TCF12: variants seen among roughly 807,000 people sequenced by gnomAD.
TCF12 encodes DNA-binding protein HTF4.
Under a neutral mutation model 86.0 loss-of-function variants are expected in TCF12, and 45 were observed. The ratio of observed to expected loss-of-function variants is 0.52; its 90% confidence interval spans 0.41 to 0.67. The LOEUF is 0.67. Among genes scored for constraint, TCF12 ranks in the 30% least tolerant of loss-of-function variants. The probability of loss-of-function intolerance (pLI) is 0.00; values close to 1 mark genes in which losing one functional copy is unlikely to be tolerated. For synonymous variants in TCF12, 330 were observed against 299.6 expected, an observed-to-expected ratio of 1.10 and a Z score of -1.05; for missense variants, 881 against 859.9, an observed-to-expected ratio of 1.02 and a Z score of -0.31.
At chr15:57,031,842 A>G (rs2066210941) in intron 3 of TCF12, among the ~76,000 whole-genome samples, 1 of 151,898 alleles carries the variant, frequency 6.6e-6, no homozygotes, top group African/African-American at 2.4e-5. Context: ...CTTTTCCCCT[A>G]TTTTCTTACA....
chr15:57,223,412 G>GT (rs1245452310), intron 8 of TCF12, among the ~76,000 whole-genome samples: 4 of 151,928 alleles, frequency 2.6e-5, no homozygotes, highest in Non-Finnish European at 4.4e-5. Flanking sequence ...GAAAGAAAAC[G>GT]TAACTGGGAA....
chr15:56,987,075 A>G (rs1282136048), intron 3 of TCF12, among the ~76,000 whole-genome samples: 1 of 152,084 alleles, frequency 6.6e-6, no homozygotes, highest in African/African-American at 2.4e-5. Flanking sequence ...TGCAACATGC[A>G]GTAATGCAAT....
chr15:57,273,468 A>AGAGAGTAAT (rs1304514896), intron 19 of TCF12, among the ~76,000 whole-genome samples: 1 of 151,974 alleles, frequency 6.6e-6, no homozygotes, highest in African/African-American at 2.4e-5. Context: ...CTCCACCAAT[A>AGAGAGTAAT]GAGAGTAATT....
At chr15:57,049,288 C>T (rs1248147534) in intron 3 of TCF12, among the ~76,000 whole-genome samples, 2 of 152,148 alleles carry the variant, frequency 1.3e-5, no homozygotes, top group Non-Finnish European at 2.9e-5. Context: ...GAGCATTTTT[C>T]AGTGGATTTA....
At position 57,231,192 on chromosome 15, in the gene TCF12, A is replaced by G. The variant is rs2059122990; in HGVS notation, c.620A>G (p.Glu207Gly). 4.3e-6 allele frequency: 7 copies of G among 1,613,108 alleles called. No homozygotes were observed. Among genetic ancestry groups the G allele is most frequent in the Non-Finnish European group, 5.1e-6 (6 of 1,179,382 alleles). ...PSPNSDDFNR[E>G]SPSYPSPKPP... ...CCAAATTCAGATGATTTCAACCGTG[A>G]ATCTCCTAGTTATCCATCTCCTAAG... The change falls in exon 9 of 21, where the codon GAA becomes GGA. Residue 207 changes from glutamate to glycine, a missense_variant. By Grantham distance (98) the Glu-to-Gly change is moderately conservative (BLOSUM62 -2). Around this residue, in one of 3 missense-constraint regions of TCF12, gnomAD observed 766 missense variants for 718.9 expected, o/e 1.07. Transcript: ENST00000333725.
chr15:57,237,258 T>G (rs1597525229), intron 12 of TCF12, among the ~76,000 whole-genome samples: 1 of 152,148 alleles, frequency 6.6e-6, no homozygotes, highest in African/African-American at 2.4e-5. Context: ...TGTTTAAAAG[T>G]AATTCATGAA....
At chr15:57,219,512 C>G in intron 8 of TCF12, 1 of 1,609,956 alleles carries the variant, frequency 6.2e-7, no homozygotes, top group Non-Finnish European at 8.5e-7. Context: ...GTAACATTTT[C>G]AAAATCAACA....
chr15:57,259,101 AGAC>A (rs2060473326), intron 16 of TCF12, among the ~76,000 whole-genome samples: 1 of 152,152 alleles, frequency 6.6e-6, no homozygotes, highest in South Asian at 2.1e-4. Flanking sequence ...ATTTTTATTA[AGAC>A]GACATTATAG....
intron 16 of TCF12, among the ~76,000 whole-genome samples, chr15:57,260,443 A>T (rs896264960): frequency 6.6e-6 from 1 of 152,206 alleles, no homozygotes; most frequent in African/African-American, 2.4e-5. Context: ...TATAACATAC[A>T]CTAAGTATAC....
rs182548737 is a variant in TCF12, at chr15:57,033,164, A to G, written c.149-30586A>G. Among the ~76,000 whole-genome samples, 222 of 152,322 alleles carry G rather than the reference A, an allele frequency of 1.5e-3. 2 individuals carry two copies. Among genetic ancestry groups the G allele is most frequent in the Admixed American group, 6.3e-3 (97 of 15,302 alleles). On this transcript the variant is annotated intron_variant, in intron 3 of 20. Coordinates refer to ENST00000333725, the MANE Select transcript of TCF12 (RefSeq NM_207037.2). ...AAAATGAAAAAAACTTTAGAGCTTCAGAGAACTGTGGACTGGTAACATTAG... is the reference window on the plus strand; with the variant it reads ...AAAATGAAAAAAACTTTAGAGCTTCGGAGAACTGTGGACTGGTAACATTAG...
At chr15:57,227,286 T>C (rs1306947636) in intron 8 of TCF12, among the ~76,000 whole-genome samples, 5 of 152,164 alleles carry the variant, frequency 3.3e-5, no homozygotes, top group African/African-American at 1.2e-4. Flanking sequence ...CAAGAATGTT[T>C]CCAGTGTTAA....
chr15:57,067,367 C>G (rs1010786742), intron 4 of TCF12, among the ~76,000 whole-genome samples: 1 of 151,230 alleles, frequency 6.6e-6, no homozygotes, highest in African/African-American at 2.4e-5. Flanking sequence ...GGTGAAACCC[C>G]GTCTCTACTA....
At chr15:57,242,998 C>T (rs757289479) in intron 12 of TCF12, among the ~76,000 whole-genome samples, 2 of 152,088 alleles carry the variant, frequency 1.3e-5, no homozygotes, top group African/African-American at 2.4e-5. Flanking sequence ...AACTGAGTAA[C>T]TTTTTAAATG....
chr15:57,025,195 T>C (rs2065748984), intron 3 of TCF12, among the ~76,000 whole-genome samples: 1 of 152,156 alleles, frequency 6.6e-6, no homozygotes, highest in Admixed American at 6.5e-5. Context: ...TTCTTTTGCC[T>C]CAGCCTCCCT....
chr15:57,088,143 T>C (rs1356987233), intron 4 of TCF12, among the ~76,000 whole-genome samples: 1 of 152,202 alleles, frequency 6.6e-6, no homozygotes, highest in Non-Finnish European at 1.5e-5. Flanking sequence ...ACTTAACCAT[T>C]GTTTGCTTGG....
intron 5 of TCF12, among the ~76,000 whole-genome samples, chr15:57,111,616 G>A (rs1398328054): frequency 6.9e-6 from 1 of 144,392 alleles, no homozygotes; most frequent in Non-Finnish European, 1.5e-5. Context: ...TTTTAAGATA[G>A]GGTCTCACTC....
rs1004059502 is a variant in TCF12, at chr15:56,928,810, G to A, written c.148+7712G>A. On this transcript the variant is annotated intron_variant, in intron 3 of 20. Coordinates refer to ENST00000333725, the MANE Select transcript of TCF12 (RefSeq NM_207037.2). The stretch of plus-strand genomic sequence containing the variant: ...CTACTTGAAATTCTTTCTGGAGTGA[G>A]GCATAGTCTAAATAATTAAGTAAAA... Among the ~76,000 whole-genome samples, 4 of 152,110 alleles carry A rather than the reference G, an allele frequency of 2.6e-5. No individual in the cohort carries two copies. The East Asian group carries it at 7.7e-4, about 29-fold the overall frequency.
chr15:57,066,713 C>T (rs910289942), intron 4 of TCF12, among the ~76,000 whole-genome samples: 1 of 152,148 alleles, frequency 6.6e-6, no homozygotes, highest in Non-Finnish European at 1.5e-5. Context: ...AGCTGCCTGC[C>T]ATTCTATCCC....
intron 3 of TCF12, among the ~76,000 whole-genome samples, chr15:56,952,582 A>T (rs551097607): frequency 6.6e-6 from 1 of 151,978 alleles, no homozygotes; most frequent in Admixed American, 6.6e-5. Context: ...TGTAGTTTTC[A>T]CTGTATAGGT....
Sources: allele counts gnomAD v4.1 joint callset (sites outside exome capture counted in the v4.1 genomes callset), GRCh38; gene constraint gnomAD v4.1.1; regional missense constraint gnomAD v4.1.1; transcripts MANE v1.5; gene names NCBI Gene and HGNC (gene_info 2026-07-23, HGNC 2026-07-21).